Variants in MRPL39 observed in about 807,000 individuals in gnomAD.
The protein encoded by MRPL39 is mitochondrial ribosomal protein L39.
In MRPL39, 35 loss-of-function variants were observed where a neutral mutation model predicts 44.5. The observed-to-expected ratio is 0.79, with a 90% CI of 0.60 to 1.04. The LOEUF (loss-of-function observed/expected upper bound fraction) is 1.04. Ranked by LOEUF, MRPL39 falls within the 50% of genes least tolerant of loss-of-function variation. The probability of loss-of-function intolerance (pLI) is 0.00; values close to 1 mark genes in which losing one functional copy is unlikely to be tolerated. For missense variants in MRPL39, 433 were observed against 413.5 expected (o/e 1.05, Z -0.41); for synonymous variants, 139 against 136.1 (o/e 1.02, Z -0.15).
chr21:25,603,641 A>G (rs762325514), intron 3 of MRPL39, among the ~76,000 whole-genome samples, 155 bp downstream of exon 3: 1 of 152,236 alleles, frequency 6.6e-6, no homozygotes, highest in Non-Finnish European at 1.5e-5. Flanking sequence ...CTGAACTACA[A>G]AAGTGCCTAA....
Position 25,593,973 on chromosome 21 carries a change from A to C in MRPL39, c.702-15T>G, listed in dbSNP as rs1324169798. 1 of 1,608,628 alleles carries C rather than the reference A, an allele frequency of 6.2e-7. No individual in the cohort carries two copies. The highest frequency in any genetic ancestry group is 8.5e-7 in the Non-Finnish European group (1 of 1,177,202). On this transcript the variant is annotated splice_polypyrimidine_tract_variant and intron_variant, in intron 6 of 9. Coordinates refer to ENST00000352957, the MANE Select transcript of MRPL39 (RefSeq NM_017446.4). ...CTACTTTGTACCTGAAAAGCAGCAA[A>C]GAAAAAAACATTTTTTTAACTCAAA...
chr21:25,605,971 C>G (rs1387223884), intron 2 of MRPL39, among the ~76,000 whole-genome samples: 1 of 152,122 alleles, frequency 6.6e-6, no homozygotes, highest in African/African-American at 2.4e-5. Flanking sequence ...GTACCATAAA[C>G]AAAGCCAGAT....
Position 25,604,221 on chromosome 21 carries a change from T to C in MRPL39, c.281-286A>G, listed in dbSNP as rs1171794477. ...TTGCAGTGAGCCGAGATCACGCCAC[T>C]GCATTCGAGCCTGGGTGACAGAGCG... On this transcript the variant is annotated intron_variant, in intron 2 of 9. Transcript: ENST00000352957. 2.6e-5 allele frequency among the ~76,000 whole-genome samples: 4 copies of C among 152,226 alleles called. No homozygotes were observed. In the South Asian group the frequency reaches 8.3e-4, roughly 32 times the overall value.
rs1479541669 is a variant in MRPL39, at chr21:25,601,451, C to T, written c.437G>A (p.Cys146Tyr). The change falls in exon 4 of 10, where the codon TGT becomes TAT. Residue 146 changes from cysteine to tyrosine, a missense_variant. Cys to Tyr is a radical substitution (Grantham distance 194). Transcript: ENST00000352957. The part of the protein sequence containing the change: ...GEVNKAYWRS[C>Y]AMMMGCVIER... ...TATCACACAGCCCATCATCATAGCA[C>T]AGGAACGCCAATATGCCTAGAAAAA... The T allele has an allele frequency of 1.9e-6, 3 of 1,590,242 alleles. No homozygotes were observed. Among genetic ancestry groups the T allele is most frequent in the South Asian group, 1.2e-5 (1 of 85,376 alleles).
intron 8 of MRPL39, among the ~76,000 whole-genome samples, chr21:25,591,838 G>T (rs1302747139): frequency 6.6e-6 from 1 of 152,176 alleles, no homozygotes; most frequent in Admixed American, 6.5e-5. Flanking sequence ...TTATCCCAGA[G>T]AAATATTCAC....
chr21:25,601,319 G>T, intron 4 of MRPL39, 49 bp downstream of exon 4: 1 of 1,261,500 alleles, frequency 7.9e-7, no homozygotes, highest in Non-Finnish European at 1.1e-6. Context: ...ATCAAAAATA[G>T]GTACCAAAAT....
intron 5 of MRPL39, among the ~76,000 whole-genome samples, chr21:25,597,651 A>C (rs1408784694): frequency 6.6e-6 from 1 of 152,202 alleles, no homozygotes; most frequent in South Asian, 2.1e-4. Flanking sequence ...ACTAATTATT[A>C]AAGAGAAAAC....
chr21:25,585,804 A>C, intron 9 of MRPL39, 50 bp from the exon 10 acceptor site: 2 of 1,293,584 alleles, frequency 1.5e-6, no homozygotes, highest in Non-Finnish European at 2.2e-6. Flanking sequence ...TTTCAGTTTT[A>C]CCCTTCACCC....
At chr21:25,603,645 T>A (rs73899034) in intron 3 of MRPL39, 151 bp downstream of exon 3, 2 of 739,158 alleles carry the variant, frequency 2.7e-6, no homozygotes, top group East Asian at 2.9e-5. Context: ...ACTACAAAAG[T>A]GCCTAATCTA....
chr21:25,594,060 GAGT>G, intron 6 of MRPL39, 102 bp from the exon 7 acceptor site: 1 of 970,842 alleles, frequency 1.0e-6, no homozygotes, highest in Non-Finnish European at 1.5e-6. Context: ...TACTTTCTGA[GAGT>G]AGGTTACACT....
intron 1 of MRPL39, 122 bp downstream of exon 1, chr21:25,607,281 G>A (rs995320095): frequency 2.9e-6 from 3 of 1,046,976 alleles, no homozygotes; most frequent in Admixed American, 2.1e-5. Flanking sequence ...GCCGCGGAGG[G>A]ACTAAGAAAC....
At chr21:25,602,083 C>T (rs1479103888) in intron 3 of MRPL39, among the ~76,000 whole-genome samples, 1 of 152,230 alleles carries the variant, frequency 6.6e-6, no homozygotes, top group East Asian at 1.9e-4. Context: ...CTCCTGCTGA[C>T]ACTACTCTGT....
At chr21:25,607,118 T>C (rs949474522) in intron 1 of MRPL39, among the ~76,000 whole-genome samples, 1 of 152,252 alleles carries the variant, frequency 6.6e-6, no homozygotes, top group South Asian at 2.1e-4. Flanking sequence ...CATGGACAGA[T>C]GTGCACGGAA....
upstream of MRPL39, chr21:25,607,595 C>G (rs2123265643): frequency 2.0e-6 from 2 of 1,002,030 alleles, no homozygotes; most frequent in East Asian, 2.8e-5. Context: ...GACTGCTCGC[C>G]TCCACCGGGG....
chr21:25,587,607 T>C, intron 9 of MRPL39: 10 of 1,049,756 alleles, frequency 9.5e-6, no homozygotes, highest in Non-Finnish European at 1.4e-5. Context: ...AGACAGAAAA[T>C]AAATGTACTG....
chr21:25,601,904 A>C (rs765904434), intron 3 of MRPL39, among the ~76,000 whole-genome samples: 3 of 152,198 alleles, frequency 2.0e-5, no homozygotes, highest in Non-Finnish European at 4.4e-5. Context: ...CCTCTACCTA[A>C]CACCCTAACA....
chr21:25,588,931 A>T, intron 8 of MRPL39, 49 bp from the exon 9 acceptor site: 1 of 1,489,342 alleles, frequency 6.7e-7, no homozygotes, highest in Non-Finnish European at 9.3e-7. Context: ...GTAATGTCAA[A>T]GTAAAAAGGA....
At chr21:25,599,003 A>G (rs993252548) in intron 5 of MRPL39, among the ~76,000 whole-genome samples, 2 of 152,196 alleles carry the variant, frequency 1.3e-5, no homozygotes, top group Non-Finnish European at 2.9e-5. Flanking sequence ...CCCTTTTCAG[A>G]TCTCCAGACT....
intron 9 of MRPL39, among the ~76,000 whole-genome samples, chr21:25,586,321 C>T (rs2030996000): frequency 6.6e-6 from 1 of 152,186 alleles, no homozygotes. Flanking sequence ...CTTCTTCCTA[C>T]CTGCATATTC....
Sources: allele counts gnomAD v4.1 joint callset (sites outside exome capture counted in the v4.1 genomes callset), GRCh38; gene constraint gnomAD v4.1.1; transcripts MANE v1.5; gene names NCBI Gene and HGNC (gene_info 2026-07-23, HGNC 2026-07-21).